LRP12: variants seen among roughly 807,000 people sequenced by gnomAD.
LRP12 encodes the protein low-density lipoprotein receptor-related protein 12.
LRP12 carries 14 observed loss-of-function variants against 66.0 expected under a neutral mutation model. That is an observed-to-expected ratio of 0.21 (90% CI 0.14 to 0.33). LRP12 has a LOEUF of 0.33. Ranked by LOEUF, LRP12 falls within the 10% of genes least tolerant of loss-of-function variation. LRP12 has a pLI of 1.00. For synonymous variants in LRP12, 357 were observed against 359.1 expected, an observed-to-expected ratio of 0.99 and a Z score of 0.07; for missense variants, 889 against 1,053.4, an observed-to-expected ratio of 0.84 and a Z score of 2.16.
intron 1 of LRP12, among the ~76,000 whole-genome samples, chr8:104,588,597 G>C (rs541501006): frequency 1.3e-5 from 2 of 152,134 alleles, no homozygotes; most frequent in Non-Finnish European, 2.9e-5. Context: ...GGGCCCCCCA[G>C]CCCCTCTCCA....
chr8:104,523,065 T>C (rs1210097489), intron 2 of LRP12, among the ~76,000 whole-genome samples: 1 of 152,134 alleles, frequency 6.6e-6, no homozygotes, highest in Non-Finnish European at 1.5e-5. Context: ...CTTTCAGAAA[T>C]GTATGCTAAG....
intron 1 of LRP12, among the ~76,000 whole-genome samples, chr8:104,577,762 G>C (rs898959136): frequency 1.4e-5 from 2 of 141,276 alleles, no homozygotes; most frequent in South Asian, 4.4e-4. Context: ...AGTGAGCCAA[G>C]ACTGCGCCAC....
chr8:104,553,236 G>A (rs79496584), intron 1 of LRP12, among the ~76,000 whole-genome samples: 4,666 of 152,230 alleles, frequency 0.031, 238 homozygotes, highest in African/African-American at 0.11. Context: ...GAATCCGGGG[G>A]AGGGGGAAAA....
chr8:104,503,328 CAAAAAAAAAAAAA>C (rs59353283), intron 3 of LRP12, among the ~76,000 whole-genome samples: 6 of 30,092 alleles, frequency 2.0e-4, no homozygotes, highest in South Asian at 2.4e-3. Flanking sequence ...CTGTGTCTCT[CAAAAAAAAAAAAA>C]AAAAAAAAAA....
At chr8:104,533,319 A>G (rs1203054348) in intron 1 of LRP12, among the ~76,000 whole-genome samples, 1 of 152,084 alleles carries the variant, frequency 6.6e-6, no homozygotes, top group Non-Finnish European at 1.5e-5. Flanking sequence ...AAATTATAAA[A>G]ACAGGCAGCA....
chr8:104,559,439 CT>C (rs1811867747), intron 1 of LRP12, among the ~76,000 whole-genome samples: 1 of 149,420 alleles, frequency 6.7e-6, no homozygotes, highest in Admixed American at 6.6e-5. Flanking sequence ...ATACAATGGA[CT>C]TTGGGGACTC....
chr8:104,500,164 C>T (rs1165709608), intron 3 of LRP12, among the ~76,000 whole-genome samples: 3 of 152,086 alleles, frequency 2.0e-5, no homozygotes, highest in South Asian at 2.1e-4. Flanking sequence ...AATAAATGCA[C>T]ACAGAAAATT....
At chr8:104,571,235 G>T (rs1458219498) in intron 1 of LRP12, among the ~76,000 whole-genome samples, 1 of 152,118 alleles carries the variant, frequency 6.6e-6, no homozygotes, top group South Asian at 2.1e-4. Context: ...TAAAGCAGGA[G>T]TCCCTAACCC....
In LRP12 at chr8:104,523,928, C is replaced by A. The variant is rs140133223; in HGVS notation, c.136+7979G>T. 1.1e-4 allele frequency among the ~76,000 whole-genome samples: 17 copies of A among 152,088 alleles called. No homozygotes were observed. The East Asian group carries it at 3.3e-3, about 29-fold the overall frequency. ...CTTATGATTTTCTTAATAACATTTT[C>A]TTTTCTCTAGCTAACTTTAAGAATA... On this transcript the variant is annotated intron_variant, in intron 2 of 6. Transcript: ENST00000276654.
At chr8:104,504,077 G>A (rs974877466) in intron 3 of LRP12, among the ~76,000 whole-genome samples, 9 of 151,884 alleles carry the variant, frequency 5.9e-5, no homozygotes, top group Admixed American at 2.0e-4. Flanking sequence ...GATTTCATCC[G>A]TTTTCTAATT....
chr8:104,548,197 T>TATAA lies in LRP12; in HGVS notation c.80-16235_80-16234insTTAT, dbSNP rs1181407857. 9.9e-3 allele frequency among the ~76,000 whole-genome samples: 846 copies of TATAA among 85,154 alleles called. 11 individuals carry two copies. Among genetic ancestry groups the TATAA allele is most frequent in the Non-Finnish European group, 0.014 (696 of 49,562 alleles). The allele number at this position is 85,154 out of a possible 152,430, so 55.9% of individuals were successfully genotyped here. A position where few individuals can be genotyped will look rare whatever the true frequency, so the allele number is the denominator to read the frequency against. On this transcript the variant is annotated intron_variant, in intron 1 of 6. Coordinates refer to ENST00000276654, the MANE Select transcript of LRP12 (RefSeq NM_013437.5). The stretch of plus-strand genomic sequence containing the variant: ...ATATAATATATAATATATATATAAA[T>TATAA]ATATGATATATTTATATTAATATAT...
chr8:104,523,164 A>AT (rs552017989), intron 2 of LRP12, among the ~76,000 whole-genome samples: 29 of 152,254 alleles, frequency 1.9e-4, no homozygotes, highest in African/African-American at 6.7e-4. Context: ...TTATACATGG[A>AT]TTTTTTCCAA....
intron 1 of LRP12, among the ~76,000 whole-genome samples, chr8:104,550,713 T>C (rs992341276): frequency 1.3e-5 from 2 of 152,208 alleles, no homozygotes; most frequent in African/African-American, 2.4e-5. Context: ...ATGTCTTTGA[T>C]ATTTCTTTCC....
chr8:104,515,808 T>A (rs899580628), intron 2 of LRP12, among the ~76,000 whole-genome samples: 2 of 152,240 alleles, frequency 1.3e-5, no homozygotes, highest in African/African-American at 4.8e-5. Context: ...TTAAAAGGTA[T>A]GTAGTTGTAA....
chr8:104,511,381 C>T (rs1010044174), intron 2 of LRP12, among the ~76,000 whole-genome samples: 1 of 151,670 alleles, frequency 6.6e-6, no homozygotes, highest in African/African-American at 2.4e-5. Context: ...CTATGTTGCC[C>T]AGGCTGGAGT....
intron 1 of LRP12, among the ~76,000 whole-genome samples, chr8:104,586,292 AAAC>A (rs1164873007): frequency 6.6e-6 from 1 of 152,238 alleles, no homozygotes; most frequent in African/African-American, 2.4e-5. Context: ...GCACCAAAAT[AAAC>A]AACAAAAAAT....
At chr8:104,529,725 T>G (rs1414049360) in intron 2 of LRP12, among the ~76,000 whole-genome samples, 1 of 152,230 alleles carries the variant, frequency 6.6e-6, no homozygotes, top group Non-Finnish European at 1.5e-5. Context: ...GAAAATTGAT[T>G]CAAAGGGTAA....
chr8:104,532,546 A>T (rs965923996), intron 1 of LRP12, among the ~76,000 whole-genome samples: 1 of 152,100 alleles, frequency 6.6e-6, no homozygotes, highest in African/African-American at 2.4e-5. Context: ...TTTATACATC[A>T]TTAGTTCTAA....
intron 3 of LRP12, chr8:104,505,377 G>GAGTTCTC (rs1187272573): frequency 6.7e-6 from 1 of 150,292 alleles, no homozygotes; most frequent in Non-Finnish European, 1.4e-5. Flanking sequence ...ACTTGGGAGA[G>GAGTTCTC]AGTTCTCATT....
Sources: allele counts gnomAD v4.1 joint callset (sites outside exome capture counted in the v4.1 genomes callset), GRCh38; gene constraint gnomAD v4.1.1; transcripts MANE v1.5; gene names NCBI Gene and HGNC (gene_info 2026-07-23, HGNC 2026-07-21).